The following EXOC6B variants were observed in gnomAD, a reference collection of about 807,000 sequenced individuals.
EXOC6B encodes exocyst complex component 6B.
A neutral mutation model predicts 113.5 loss-of-function variants in EXOC6B; 54 were observed. The observed-to-expected ratio is 0.48, with a 90% confidence interval of 0.38 to 0.60. The LOEUF (loss-of-function observed/expected upper bound fraction) is 0.60, where lower values mean the gene tolerates loss of function less well. Ranked by LOEUF, EXOC6B falls within the 20% of genes least tolerant of loss-of-function variation. The pLI, the probability that EXOC6B is intolerant of heterozygous loss-of-function variation, is 0.00. For missense variants in EXOC6B, 797 were observed against 977.5 expected (o/e 0.82, Z 2.46); for synonymous variants, 357 against 339.0 (o/e 1.05, Z -0.58).
rs1692793682 is a variant in EXOC6B at position 72,397,387 on chromosome 2, G to A, written c.1981-17517C>T. Among the ~76,000 whole-genome samples the A allele has an allele frequency of 3.9e-5, 6 of 152,026 alleles. No individual in the cohort carries two copies. In the South Asian group the frequency reaches 1.0e-3, roughly 26 times the overall value. ...TGTAATCTCAGCACTTTGGGAGGCC[G>A]AGGCAGATGGATCATGAGGTCAGGA... On this transcript the variant is annotated intron_variant, in intron 18 of 21. Transcript: ENST00000272427.
intron 6 of EXOC6B, among the ~76,000 whole-genome samples, chr2:72,651,664 G>A (rs1316706878): frequency 2.0e-5 from 3 of 152,248 alleles, no homozygotes; most frequent in Middle Eastern, 3.4e-3. Context: ...CTATCGCCCA[G>A]GCTGGACTGC....
intron 20 of EXOC6B, among the ~76,000 whole-genome samples, chr2:72,192,204 C>G (rs1678889612): frequency 6.6e-6 from 1 of 152,162 alleles, no homozygotes; most frequent in South Asian, 2.1e-4. Context: ...ACAGCATAGA[C>G]TATCAAATGG....
chr2:72,669,679 T>C (rs1675656954), intron 6 of EXOC6B, among the ~76,000 whole-genome samples: 1 of 152,240 alleles, frequency 6.6e-6, no homozygotes, highest in Non-Finnish European at 1.5e-5. Flanking sequence ...GGGATCTCTA[T>C]ACAGTCTGTG....
intron 6 of EXOC6B, among the ~76,000 whole-genome samples, chr2:72,680,361 G>A (rs1676613547): frequency 6.6e-6 from 1 of 152,142 alleles, no homozygotes; most frequent in Non-Finnish European, 1.5e-5. Flanking sequence ...GACAATAAAA[G>A]TATTAGCCCA....
chr2:72,472,323 A>G (rs1401953072), intron 17 of EXOC6B, among the ~76,000 whole-genome samples: 1 of 152,156 alleles, frequency 6.6e-6, no homozygotes, highest in African/African-American at 2.4e-5. Context: ...TTTGGTGGTG[A>G]ATCCACCTGG....
chr2:72,255,648 T>G (rs1308305133), intron 20 of EXOC6B, among the ~76,000 whole-genome samples: 3 of 152,240 alleles, frequency 2.0e-5, no homozygotes, highest in Non-Finnish European at 4.4e-5. Context: ...GATCATTTCT[T>G]TTCTAAGTTC....
At chr2:72,435,633 T>C (rs1271800090) in intron 18 of EXOC6B, among the ~76,000 whole-genome samples, 1 of 152,232 alleles carries the variant, frequency 6.6e-6, no homozygotes, top group Non-Finnish European at 1.5e-5. Context: ...CTCTTCTTGT[T>C]ACATTGATCC....
At chr2:72,799,992 G>A (rs1008917390) in intron 1 of EXOC6B, among the ~76,000 whole-genome samples, 1 of 152,050 alleles carries the variant, frequency 6.6e-6, no homozygotes, top group African/African-American at 2.4e-5. Context: ...TTGAGCCCTG[G>A]AGGCAGAGGC....
At position 72,465,312 on chromosome 2, in the gene EXOC6B, T is replaced by A; in HGVS notation, c.1828A>T (p.Ile610Phe). 6.2e-7 allele frequency: 1 copy of A among 1,602,538 alleles called. No homozygotes were observed. The highest frequency in any genetic ancestry group is 8.5e-7 in the Non-Finnish European group (1 of 1,174,166). ...ATCTTCTGGTTTAAGTTGGTATAAA[T>A]CTCTTCTTCAGCTGCATGTCTAGCA... ...KDARHAAEEE[I>F]YTNLNQKIDQ... Residue 610 changes from isoleucine to phenylalanine, a missense_variant, in exon 18 of 22, where the codon ATT becomes TTT. Coordinates refer to ENST00000272427, the MANE Select transcript of EXOC6B (RefSeq NM_015189.3).
chr2:72,614,099 T>C (rs1245160409), intron 6 of EXOC6B, among the ~76,000 whole-genome samples: 1 of 152,070 alleles, frequency 6.6e-6, no homozygotes, highest in African/African-American at 2.4e-5. Context: ...TATCTGGCCG[T>C]TTATGGAAAA....
intron 1 of EXOC6B, among the ~76,000 whole-genome samples, chr2:72,806,197 A>C (rs1202474962): frequency 1.3e-5 from 2 of 152,194 alleles, no homozygotes; most frequent in East Asian, 3.9e-4. Flanking sequence ...CCCACTGAGT[A>C]GTCCACAGTG....
chr2:72,680,188 T>G (rs1676600934), intron 6 of EXOC6B, among the ~76,000 whole-genome samples: 1 of 152,202 alleles, frequency 6.6e-6, no homozygotes, highest in African/African-American at 2.4e-5. Flanking sequence ...GCAAGTTTTC[T>G]GTAAGTCTGC....
chr2:72,770,660 G>C (rs1288833291), intron 1 of EXOC6B, among the ~76,000 whole-genome samples: 1 of 152,142 alleles, frequency 6.6e-6, no homozygotes, highest in Non-Finnish European at 1.5e-5. Flanking sequence ...ACAAATGAGA[G>C]ATTATGGGCC....
intron 19 of EXOC6B, among the ~76,000 whole-genome samples, chr2:72,360,455 G>C (rs1690242631): frequency 1.3e-5 from 2 of 151,240 alleles, no homozygotes; most frequent in South Asian, 4.2e-4. Context: ...TGTGGAACTT[G>C]GTAGCCAAGC....
chr2:72,527,939 C>T (rs948897744), intron 8 of EXOC6B, among the ~76,000 whole-genome samples: 4 of 151,868 alleles, frequency 2.6e-5, no homozygotes, highest in African/African-American at 9.7e-5. Flanking sequence ...ATTCTAGATA[C>T]ATAAGGACTC....
intron 20 of EXOC6B, among the ~76,000 whole-genome samples, chr2:72,301,076 C>G (rs1017982785): frequency 2.6e-5 from 4 of 151,084 alleles, no homozygotes; most frequent in African/African-American, 9.9e-5. Context: ...TTATCAAAAG[C>G]CTTTACTGCA....
intron 18 of EXOC6B, among the ~76,000 whole-genome samples, chr2:72,413,321 T>C (rs1372301093): frequency 1.3e-5 from 2 of 151,556 alleles, no homozygotes; most frequent in African/African-American, 4.8e-5. Flanking sequence ...ACAACACAGG[T>C]TTCTAGGCTA....
At chr2:72,470,369 C>G (rs1321836052) in intron 17 of EXOC6B, among the ~76,000 whole-genome samples, 1 of 151,984 alleles carries the variant, frequency 6.6e-6, no homozygotes, top group Non-Finnish European at 1.5e-5. Context: ...TTCTTGATTT[C>G]TTTTTTACTG....
intron 1 of EXOC6B, among the ~76,000 whole-genome samples, chr2:72,783,356 G>A (rs1300929743): frequency 1.6e-4 from 18 of 111,694 alleles, no homozygotes; most frequent in East Asian, 2.9e-4. Flanking sequence ...ATGGAGTCTC[G>A]CTCTGTCGCC....
Sources: gnomAD v4.1 joint callset for allele counts (sites outside exome capture counted in the v4.1 genomes callset) on GRCh38, gnomAD v4.1.1 for gene constraint, MANE v1.5 for transcripts, NCBI Gene and HGNC (gene_info 2026-07-23, HGNC 2026-07-21) for gene names.